Variants in DCHS1 observed in about 807,000 individuals in gnomAD.
DCHS1 encodes the protein dachsous cadherin-related 1.
DCHS1 carries 78 observed loss-of-function variants against 213.9 expected under a neutral mutation model. The observed-to-expected ratio is 0.36, with a 90% CI of 0.30 to 0.44. DCHS1 has a LOEUF of 0.44. Ranked by LOEUF, DCHS1 falls within the 20% of genes least tolerant of loss-of-function variation. DCHS1 has a pLI of 1.00. For synonymous variants in DCHS1, 1,828 were observed against 1,873.7 expected (o/e 0.98, Z 0.63); for missense variants, 3,946 against 4,395.9 (o/e 0.90, Z 2.89).
In DCHS1 at chr11:6,627,039, C is replaced by A. The variant is rs1855816998; in HGVS notation, c.6000G>T (p.Leu2000=). The A allele has an allele frequency of 6.2e-7, 1 of 1,613,646 alleles. No homozygotes were observed. The highest frequency in any genetic ancestry group is 2.2e-5 in the East Asian group (1 of 44,880). Residue 2000 remains leucine, a synonymous_variant, in exon 14 of 21, where the codon CTG becomes CTT. Transcript: ENST00000299441. This position sits in a 1 kb window ranked among gnomAD's most constrained non-coding sequence, Gnocchi z 5.4. ...DRDAGANASI[L]YRLAGTPPPG... ...GAGGTGGTGTGCCTGCCAGCCGGTA[C>A]AGAATGGAAGCATTGGCACCAGCAT...
At chr11:6,646,919 G>A (rs1243165436) in intron 1 of DCHS1, among the ~76,000 whole-genome samples, 1 of 152,150 alleles carries the variant, frequency 6.6e-6, no homozygotes, top group Non-Finnish European at 1.5e-5. Flanking sequence ...GGGCTGGGGG[G>A]GAGGAGCAGG....
intron 1 of DCHS1, 62 bp downstream of exon 1, chr11:6,655,501 C>G: frequency 1.1e-6 from 1 of 952,196 alleles, no homozygotes; most frequent in Non-Finnish European, 1.2e-6. Context: ...TGCCGCAGCC[C>G]AGGGGAGGCC....
Position 6,629,880 on chromosome 11 carries a change from G to A in DCHS1, c.4827C>T (p.Arg1609=), listed in dbSNP as rs200837914. 1 of 1,612,764 alleles carries A rather than the reference G, an allele frequency of 6.2e-7. No individual in the cohort carries two copies. Among genetic ancestry groups the A allele is most frequent in the Non-Finnish European group, 8.5e-7 (1 of 1,179,608 alleles). Residue 1609 remains arginine (R), a synonymous_variant, in exon 11 of 21, where the codon CGC becomes CGT. Transcript: ENST00000299441. ...TCAGTACGTGCTCAGCTCGTTGTTC[G>A]CGGTCCAACGGCCGCACCACGGACA... is the stretch of plus-strand genomic sequence containing the variant. ...GALSVVRPLD[R]EQRAEHVLTV... is the part of the protein sequence containing the mutation.
In DCHS1 at chr11:6,640,527, T is replaced by C; in HGVS notation, c.1087A>G (p.Thr363Ala). The C allele has an allele frequency of 6.2e-7, 1 of 1,611,722 alleles. No homozygotes were observed. ...CCATCTGCACTGAGAAAGATGACAG[T>C]CATGGAGGGCTGATTGTCATTGGCA... Reference protein sequence around the residue: ...RDANDNQPSMTVIFLSADGSP... With the variant: ...RDANDNQPSMAVIFLSADGSP... Residue 363 changes from threonine (T) to alanine (A), a missense_variant, in exon 2 of 21, where the codon ACT becomes GCT. Transcript: ENST00000299441. This position sits in a 1 kb window ranked among gnomAD's most constrained non-coding sequence, Gnocchi z 6.5.
intron 2 of DCHS1, among the ~76,000 whole-genome samples, chr11:6,638,681 G>A (rs913111483): frequency 6.6e-6 from 1 of 152,190 alleles, no homozygotes; most frequent in Admixed American, 6.5e-5. Context: ...TATCTAGACT[G>A]TGACCACCCT....
Position 6,640,923 on chromosome 11 carries a change from C to A in DCHS1, c.691G>T (p.Gly231Cys). The change falls in exon 2 of 21, where the codon GGT (glycine) becomes TGT (cysteine). Residue 231 changes from glycine (G) to cysteine (C), a missense_variant. By Grantham distance (159) the Gly-to-Cys change is radical. Transcript: ENST00000299441. The surrounding 1 kb of genome is among the most constrained non-coding windows in gnomAD (Gnocchi z 6.5). The part of the protein sequence containing the change: ...YMLQLEAYDG[G>C]SPPRRAQALL... ...GCCTGGGCCCTCCGGGGGGGTGAAC[C>A]ACCATCATAGGCCTCCAGCTGTAGC... is the stretch of plus-strand genomic sequence containing the variant. 6.2e-7 allele frequency: 1 copy of A among 1,614,014 alleles called. No homozygotes were observed. Among genetic ancestry groups the A allele is most frequent in the Non-Finnish European group, 8.5e-7 (1 of 1,179,886 alleles).
Position 6,633,608 on chromosome 11 carries a change from AT to A in DCHS1, c.2258del (p.Asn753IlefsTer59). 1 of 1,599,426 alleles carries A rather than the reference AT, an allele frequency of 6.3e-7. No homozygotes were observed. The highest frequency in any genetic ancestry group is 8.5e-7 in the Non-Finnish European group (1 of 1,172,826). On this transcript the variant is annotated frameshift_variant, in exon 5 of 21. Transcript: ENST00000299441. LOFTEE classifies it high-confidence loss of function. ...CCCCGATCTCCAGCTGCACCACAGA[AT>A]TGGCCCGTCTGGCCAAGGGCCAGGC... Reference protein sequence around the residue: ...TVAWPLARRANSVVQLEIGAE... With the variant: ...TVAWPLARRAXSVVQLEIGAE...
intron 2 of DCHS1, among the ~76,000 whole-genome samples, chr11:6,636,624 A>C (rs56033451): frequency 0.023 from 3,436 of 152,266 alleles, 151 homozygotes; most frequent in African/African-American, 0.079. Context: ...ACAGGGATGC[A>C]TCACCATGCC....
rs1268680501 is a variant in DCHS1, at chr11:6,655,783, C to A, written c.-341G>T. On this transcript the variant is annotated 5_prime_UTR_variant, in exon 1 of 21. Coordinates refer to ENST00000299441, the MANE Select transcript of DCHS1 (RefSeq NM_003737.4). ...GCCCGGGCGCCGCCTCCTGCACAGC[C>A]GCCCCGCCGAGGATGCGAGCTCCGC... The A allele has an allele frequency of 1.0e-6, 1 of 978,430 alleles. No homozygotes were observed. Among genetic ancestry groups the A allele is most frequent in the Non-Finnish European group, 1.2e-6 (1 of 826,936 alleles). 60.6% of individuals were successfully genotyped at this position (978,430 alleles called of 1,614,324 possible).
At chr11:6,644,252 T>C (rs531528809) in intron 1 of DCHS1, among the ~76,000 whole-genome samples, 3 of 152,242 alleles carry the variant, frequency 2.0e-5, no homozygotes, top group Non-Finnish European at 4.4e-5. Flanking sequence ...ATCAAGAGGT[T>C]CATGGACACT....
rs769690911 is a variant in DCHS1 at position 6,633,976 on chromosome 11, G to T, written c.2031C>A (p.Asp677Glu). 1 of 1,614,014 alleles carries T rather than the reference G, an allele frequency of 6.2e-7. No homozygotes were observed. Among genetic ancestry groups the T allele is most frequent in the Admixed American group, 1.7e-5 (1 of 60,032 alleles). ...SMVYVKVFLS[D>E]ENDNPPQFYP... ...AAAACTGAGGAGGGTTGTCATTCTCGTCTGACAGAAACACCTTCACATATA... is the reference window on the plus strand; with the variant it reads ...AAAACTGAGGAGGGTTGTCATTCTCTTCTGACAGAAACACCTTCACATATA... Residue 677 changes from aspartate (D) to glutamate (E), a missense_variant, in exon 4 of 21, where the codon GAC (aspartate) becomes GAA (glutamate). Transcript: ENST00000299441.
At chr11:6,644,273 A>G (rs554917738) in intron 1 of DCHS1, among the ~76,000 whole-genome samples, 3 of 152,368 alleles carry the variant, frequency 2.0e-5, no homozygotes, top group African/African-American at 7.2e-5. Flanking sequence ...AACTAGGTAT[A>G]GAACTTCTGA....
intron 1 of DCHS1, among the ~76,000 whole-genome samples, chr11:6,654,761 GAGA>G (rs1043688519): frequency 1.1e-4 from 16 of 152,210 alleles, no homozygotes; most frequent in South Asian, 4.1e-4. Context: ...ATGGGTATTT[GAGA>G]AGTTGACATA....
Position 6,640,596 on chromosome 11 carries a change from G to T in DCHS1, c.1018C>A (p.His340Asn). 6.2e-7 allele frequency: 1 copy of T among 1,608,890 alleles called. No individual in the cohort carries two copies. Among genetic ancestry groups the T allele is most frequent in the Non-Finnish European group, 8.5e-7 (1 of 1,179,850 alleles). Reference sequence around the variant, plus strand: ...ACAAAGGCCGAGCCCAGCTCAGGGTGAGCCCCACCATCTCGTGCTTGCACC... The same window carrying T: ...ACAAAGGCCGAGCCCAGCTCAGGGTTAGCCCCACCATCTCGTGCTTGCACC... ...LVVQARDGGA[H>N]PELGSAFVTV... is the part of the protein sequence containing the mutation. The change falls in exon 2 of 21, where the codon CAC becomes AAC. Residue 340 changes from histidine (H) to asparagine (N), a missense_variant. Around this residue, in one of 3 missense-constraint regions of DCHS1, gnomAD observed 3,384 missense variants for 3,780.1 expected, o/e 0.90. Coordinates refer to ENST00000299441, the MANE Select transcript of DCHS1 (RefSeq NM_003737.4). This position sits in a 1 kb window ranked among gnomAD's most constrained non-coding sequence, Gnocchi z 6.5.
chr11:6,632,716 G>A lies in DCHS1; in HGVS notation c.2796C>T (p.Thr932=). Residue 932 remains threonine, a synonymous_variant, in exon 6 of 21, where the codon ACC becomes ACT. Transcript: ENST00000299441. This position sits in a 1 kb window ranked among gnomAD's most constrained non-coding sequence, Gnocchi z 5.9. The part of the protein sequence containing the change: ...DSGVNSRVTF[T]LLAGGGGAFT... ...AGGCTCCACCACCCCCAGCAAGCAG[G>A]GTAAAGGTGACTCGACTGTTAACAC... 1 of 1,601,580 alleles carries A rather than the reference G, an allele frequency of 6.2e-7. No individual in the cohort carries two copies. Among genetic ancestry groups the A allele is most frequent in the Non-Finnish European group, 8.5e-7 (1 of 1,173,938 alleles).
Position 6,633,568 on chromosome 11 carries a change from C to G in DCHS1, c.2299G>C (p.Gly767Arg). The change falls in exon 5 of 21, where the codon GGC becomes CGC. Residue 767 changes from glycine to arginine, a missense_variant. Transcript: ENST00000299441. ...QLEIGAEDGGGLQAEPSARVD... is the reference protein window; with the variant it reads ...QLEIGAEDGGRLQAEPSARVD... ...CGGGCACTGGGTTCTGCCTGTAGGC[C>G]ACCTCCGTCCTCAGCCCCGATCTCC... 3.1e-6 allele frequency: 5 copies of G among 1,592,154 alleles called. No individual in the cohort carries two copies. Among genetic ancestry groups the G allele is most frequent in the Non-Finnish European group, 4.3e-6 (5 of 1,169,280 alleles).
rs141488333 is a variant in DCHS1, at chr11:6,626,323, C to T, written c.6422G>A (p.Arg2141Gln). 321 of 1,613,578 alleles carry T rather than the reference C, an allele frequency of 2.0e-4. No homozygotes were observed. Among genetic ancestry groups the T allele is most frequent in the African/African-American group, 3.1e-4 (23 of 75,040 alleles). Residue 2141 changes from arginine (R) to glutamine (Q), a missense_variant, in exon 16 of 21, where the codon CGA becomes CAA. By Grantham distance (43) the Arg-to-Gln change is conservative (BLOSUM62 1). Around this residue, in one of 3 missense-constraint regions of DCHS1, gnomAD observed 3,384 missense variants for 3,780.1 expected, o/e 0.90. Coordinates refer to ENST00000299441, the MANE Select transcript of DCHS1 (RefSeq NM_003737.4). This position sits in a 1 kb window ranked among gnomAD's most constrained non-coding sequence, Gnocchi z 5.2. ...GLDFEVSPRLRLVLQAESGGA... is the reference protein window; with the variant it reads ...GLDFEVSPRLQLVLQAESGGA... ...TCCACTCTCTGCCTGCAGCACCAGT[C>T]GCAGCCGTGGACTCACCTCGAAGTC...
In DCHS1 at chr11:6,627,103, G is replaced by A; in HGVS notation, c.5936C>T (p.Pro1979Leu). ...LPRPGPSFST[P>L]TLALATLRAE... ...TCTCAGTGTGGCCAGAGCCAGGGTT[G>A]GGGTACTGAAGCTGGGGCCTGGGCG... Residue 1979 changes from proline to leucine, a missense_variant, in exon 14 of 21, where the codon CCA becomes CTA. Pro to Leu is a moderately conservative substitution (Grantham distance 98, BLOSUM62 -3). Around this residue, in one of 3 missense-constraint regions of DCHS1, gnomAD observed 3,384 missense variants for 3,780.1 expected, o/e 0.90. Coordinates refer to ENST00000299441, the MANE Select transcript of DCHS1 (RefSeq NM_003737.4). This position sits in a 1 kb window ranked among gnomAD's most constrained non-coding sequence, Gnocchi z 5.4. The A allele has an allele frequency of 6.2e-7, 1 of 1,613,208 alleles. No homozygotes were observed. Among genetic ancestry groups the A allele is most frequent in the Non-Finnish European group, 8.5e-7 (1 of 1,179,674 alleles).
intron 2 of DCHS1, among the ~76,000 whole-genome samples, chr11:6,638,060 A>G (rs1308226246): frequency 2.0e-5 from 3 of 152,288 alleles, no homozygotes; most frequent in South Asian, 2.1e-4. Flanking sequence ...TGGAAGCCAT[A>G]GCCCATTGGT....
Sources: allele counts gnomAD v4.1 joint callset (sites outside exome capture counted in the v4.1 genomes callset), GRCh38; gene constraint gnomAD v4.1.1; regional missense constraint gnomAD v4.1.1; non-coding constraint Gnocchi (gnomAD v3.1); transcripts MANE v1.5; gene names NCBI Gene and HGNC (gene_info 2026-07-23, HGNC 2026-07-21).